The following EPHA8 variants were observed in gnomAD, a reference collection of about 807,000 sequenced individuals.
EPHA8 encodes the protein ephrin type-A receptor 8.
A neutral mutation model predicts 103.6 loss-of-function variants in EPHA8; 58 were observed. That is an observed-to-expected ratio of 0.56 (90% CI 0.45 to 0.70). EPHA8 has a LOEUF of 0.70. Ranked by LOEUF, EPHA8 falls within the 30% of genes least tolerant of loss-of-function variation. The probability of loss-of-function intolerance (pLI) is 0.00; values close to 1 mark genes in which losing one functional copy is unlikely to be tolerated. For synonymous variants in EPHA8, 559 were observed against 572.5 expected (o/e 0.98, Z 0.34); for missense variants, 1,304 against 1,395.2 (o/e 0.93, Z 1.04).
intron 1 of EPHA8, among the ~76,000 whole-genome samples, chr1:22,565,248 G>A (rs563232285): frequency 6.6e-6 from 1 of 152,214 alleles, no homozygotes; most frequent in South Asian, 2.1e-4. Flanking sequence ...AACACACACA[G>A]ACACAGATAA....
intron 4 of EPHA8, among the ~76,000 whole-genome samples, chr1:22,587,502 C>T (rs1278701331): frequency 6.6e-6 from 1 of 152,140 alleles, no homozygotes; most frequent in Admixed American, 6.5e-5. Context: ...GATTCTGCAC[C>T]CATGCCTGCA....
In EPHA8 at chr1:22,576,507, C is replaced by T. The variant is rs373431914; in HGVS notation, c.450C>T (p.Ala150=). ...TCCTCAAAATCGACACCATTGCGGC[C>T]GACGAGAGCTTCACAGGTGCCGACC... ...SQFLKIDTIA[A]DESFTGADLG... is the part of the protein sequence containing the mutation. The change falls in exon 3 of 17, where the codon GCC becomes GCT. Residue 150 remains alanine, a synonymous_variant. Transcript: ENST00000166244. The surrounding 1 kb of genome is among the most constrained non-coding windows in gnomAD (Gnocchi z 4.8). 19 of 1,614,032 alleles carry T rather than the reference C, an allele frequency of 1.2e-5. No individual in the cohort carries two copies. In the Admixed American group the frequency reaches 2.3e-4, roughly 20 times the overall value.
chr1:22,593,231 T>TG, intron 5 of EPHA8, 95 bp from the exon 6 acceptor site: 2 of 1,492,606 alleles, frequency 1.3e-6, no homozygotes, highest in South Asian at 1.3e-5. Context: ...TGAGCAGGGC[T>TG]GGAACCAGGA....
Position 22,586,587 on chromosome 1 carries a change from C to G in EPHA8, c.931C>G (p.Leu311Val). 1 of 1,613,988 alleles carries G rather than the reference C, an allele frequency of 6.2e-7. No individual in the cohort carries two copies. Among genetic ancestry groups the G allele is most frequent in the Non-Finnish European group, 8.5e-7 (1 of 1,179,974 alleles). The change falls in exon 4 of 17, where the codon CTC becomes GTC. Residue 311 changes from leucine to valine, a missense_variant. Transcript: ENST00000166244. Reference protein sequence around the residue: ...APAAQACHCDLSYYRAALDPP... With the variant: ...APAAQACHCDVSYYRAALDPP... ...AGCCGCCCAAGCCTGCCACTGTGAC[C>G]TCAGCTACTACCGTGCAGCCCTGGA...
In EPHA8 at chr1:22,597,729, G is replaced by T. The variant is rs770394863; in HGVS notation, c.1984G>T (p.Val662Leu). 8 of 1,612,878 alleles carry T rather than the reference G, an allele frequency of 5.0e-6. No homozygotes were observed. The Admixed American group carries it at 1.3e-4, about 27-fold the overall frequency. The change falls in exon 11 of 17, where the codon GTG (valine) becomes TTG (leucine). Residue 662 changes from valine (V) to leucine (L), a missense_variant. Physicochemically the swap from Val to Leu is conservative, Grantham distance 32. Coordinates refer to ENST00000166244, the MANE Select transcript of EPHA8 (RefSeq NM_020526.5). The surrounding 1 kb of genome is among the most constrained non-coding windows in gnomAD (Gnocchi z 4.6). Reference protein sequence around the residue: ...GRLRVPGQRDVPVAIKALKAG... With the variant: ...GRLRVPGQRDLPVAIKALKAG... The stretch of plus-strand genomic sequence containing the variant: ...GCTGCGGGTGCCAGGGCAGCGGGAT[G>T]TGCCCGTGGCCATCAAGGCCCTCAA...
chr1:22,597,664 C>T lies in EPHA8; in HGVS notation c.1931-12C>T, dbSNP rs1204990896. ...GCCCTCCCTCCACACCTGCCCCTCT[C>T]GGGGCCTGCAGGAGACTCCGGGGAA... is the stretch of plus-strand genomic sequence containing the variant. On this transcript the variant is annotated splice_polypyrimidine_tract_variant and intron_variant, in intron 10 of 16. Coordinates refer to ENST00000166244, the MANE Select transcript of EPHA8 (RefSeq NM_020526.5). This position sits in a 1 kb window ranked among gnomAD's most constrained non-coding sequence, Gnocchi z 4.6. The T allele has an allele frequency of 1.2e-5, 19 of 1,594,870 alleles. No homozygotes were observed. The highest frequency in any genetic ancestry group is 1.7e-5 in the Admixed American group (1 of 58,364).
chr1:22,571,388 G>A (rs1351512397), intron 2 of EPHA8, among the ~76,000 whole-genome samples: 2 of 152,204 alleles, frequency 1.3e-5, no homozygotes, highest in Non-Finnish European at 2.9e-5. Flanking sequence ...TCAGGGCAGT[G>A]AGGAGTAATT....
At position 22,598,089 on chromosome 1, in the gene EPHA8, G is replaced by A; in HGVS notation, c.2117-62G>A. 1.3e-6 allele frequency: 2 copies of A among 1,563,304 alleles called. No individual in the cohort carries two copies. On this transcript the variant is annotated intron_variant, in intron 11 of 16. Transcript: ENST00000166244. This position sits in a 1 kb window ranked among gnomAD's most constrained non-coding sequence, Gnocchi z 5.1. ...CCTGAGATGGTGGTATGCTCCTGGGGTCTCTGATCAGCAGCCCTGAGCCCC... is the reference window on the plus strand; with the variant it reads ...CCTGAGATGGTGGTATGCTCCTGGGATCTCTGATCAGCAGCCCTGAGCCCC...
Position 22,576,715 on chromosome 1 carries a change from G to A in EPHA8, c.658G>A (p.Gly220Arg). 6.2e-7 allele frequency: 1 copy of A among 1,613,884 alleles called. No individual in the cohort carries two copies. The highest frequency in any genetic ancestry group is 2.2e-5 in the East Asian group (1 of 44,886). ...GGCTGCCTTCTCGGAGGCAGTGACG[G>A]GGGCCGACTCGTCCTCACTGGTGGA... is the stretch of plus-strand genomic sequence containing the variant. ...NLAAFSEAVT[G>R]ADSSSLVEVR... is the part of the protein sequence containing the mutation. Residue 220 changes from glycine (G) to arginine (R), a missense_variant, in exon 3 of 17, where the codon GGG becomes AGG. Gly to Arg is a moderately radical substitution (Grantham distance 125). Transcript: ENST00000166244. The surrounding 1 kb of genome is among the most constrained non-coding windows in gnomAD (Gnocchi z 4.8).
rs1419456561 is a variant in EPHA8, at chr1:22,600,987, C to T, written c.2628C>T (p.His876=). 1 of 1,612,956 alleles carries T rather than the reference C, an allele frequency of 6.2e-7. No homozygotes were observed. The stretch of plus-strand genomic sequence containing the variant: ...ACCAGCTCATGCTCGACTGTTGGCA[C>T]AAGGACCGGGCGCAGCGGCCTCGCT... ...ALHQLMLDCW[H]KDRAQRPRFS... Residue 876 remains histidine (H), a synonymous_variant, in exon 15 of 17, where the codon CAC becomes CAT. Transcript: ENST00000166244.
chr1:22,564,221 T>C (rs1203153781), intron 1 of EPHA8, among the ~76,000 whole-genome samples: 2 of 148,168 alleles, frequency 1.3e-5, no homozygotes, highest in Admixed American at 6.7e-5. Flanking sequence ...CATTGAGAGA[T>C]AGGAGCCAGG....
At chr1:22,571,334 A>T (rs562970317) in intron 2 of EPHA8, among the ~76,000 whole-genome samples, 2 of 152,298 alleles carry the variant, frequency 1.3e-5, no homozygotes, top group South Asian at 4.1e-4. Context: ...CCAATCCTTG[A>T]GGTGGGTGCA....
intron 8 of EPHA8, among the ~76,000 whole-genome samples, 192 bp downstream of exon 8, chr1:22,595,515 G>A (rs1641493377): frequency 1.3e-5 from 2 of 152,160 alleles, no homozygotes; most frequent in South Asian, 4.2e-4. Context: ...TGAGTAAATT[G>A]GGGATCAGAG....
chr1:22,590,766 C>T (rs2148255753), intron 5 of EPHA8, among the ~76,000 whole-genome samples: 2 of 152,180 alleles, frequency 1.3e-5, no homozygotes, highest in South Asian at 4.2e-4. Flanking sequence ...CACCTTTGTG[C>T]TAACAACCCC....
At chr1:22,585,473 G>T (rs1326033088) in intron 3 of EPHA8, among the ~76,000 whole-genome samples, 1 of 152,178 alleles carries the variant, frequency 6.6e-6, no homozygotes, top group Admixed American at 6.5e-5. Flanking sequence ...CTGGGAAGTA[G>T]CTCCTCCCAC....
Position 22,569,210 on chromosome 1 carries a change from T to A in EPHA8, c.95-79T>A. The A allele has an allele frequency of 7.0e-7, 1 of 1,426,012 alleles. No homozygotes were observed. Among genetic ancestry groups the A allele is most frequent in the Non-Finnish European group, 9.9e-7 (1 of 1,012,642 alleles). The allele number at this position is 1,426,012 out of a possible 1,614,324, so 88.3% of individuals were successfully genotyped here. On this transcript the variant is annotated intron_variant, in intron 1 of 16. Transcript: ENST00000166244. The surrounding 1 kb of genome is among the most constrained non-coding windows in gnomAD (Gnocchi z 4.5). ...GTGCTGGGGGCTGAGTGTGGACCAG[T>A]GTAGCTGGGTCAGGCTGCTCTTGAG...
At chr1:22,592,663 G>T (rs1391503305) in intron 5 of EPHA8, among the ~76,000 whole-genome samples, 2 of 152,198 alleles carry the variant, frequency 1.3e-5, no homozygotes, top group African/African-American at 2.4e-5. Context: ...AGAACTCGGG[G>T]TGAGCAGAGG....
rs770516306 is a variant in EPHA8, at chr1:22,601,513, G to GC, written c.2903+41dup. ...GGGCTGGGGCCCCATGCGTGTGGGGGCAGGGGGGGGGACCCCTGCCGGGGA... is the reference window on the plus strand; with the variant it reads ...GGGCTGGGGCCCCATGCGTGTGGGGGCCAGGGGGGGGGACCCCTGCCGGGGA... On this transcript the variant is annotated intron_variant, in intron 16 of 16. Transcript: ENST00000166244. 1.4e-5 allele frequency: 23 copies of GC among 1,602,914 alleles called. No individual in the cohort carries two copies. The Admixed American group carries it at 3.9e-4, about 27-fold the overall frequency.
At chr1:22,570,361 C>T (rs74060289) in intron 2 of EPHA8, among the ~76,000 whole-genome samples, 2,931 of 108,216 alleles carry the variant, frequency 0.027, 149 homozygotes, top group African/African-American at 0.13. Flanking sequence ...CACACATGCA[C>T]ACACGTGTGC....
Sources: allele counts gnomAD v4.1 joint callset (sites outside exome capture counted in the v4.1 genomes callset), GRCh38; gene constraint gnomAD v4.1.1; non-coding constraint Gnocchi (gnomAD v3.1); transcripts MANE v1.5; gene names NCBI Gene and HGNC (gene_info 2026-07-23, HGNC 2026-07-21).